SLC22A23: variants seen among roughly 807,000 people sequenced by gnomAD.
SLC22A23 encodes solute carrier family 22 member 23.
In SLC22A23, 26 loss-of-function variants were observed where a neutral mutation model predicts 61.0. The ratio of observed to expected loss-of-function variants is 0.43; its 90% confidence interval spans 0.31 to 0.59. SLC22A23 has a LOEUF of 0.59. Among genes scored for constraint, SLC22A23 ranks in the 20% least tolerant of loss-of-function variants. The pLI is 0.11. For missense variants in SLC22A23, 796 were observed against 934.7 expected (o/e 0.85, Z 1.94); for synonymous variants, 430 against 413.9 (o/e 1.04, Z -0.47).
At chr6:3,373,623 GAGA>G (rs767629410) in intron 3 of SLC22A23, among the ~76,000 whole-genome samples, 10 of 151,542 alleles carry the variant, frequency 6.6e-5, no homozygotes, top group Admixed American at 2.6e-4. Flanking sequence ...GGAAGAAAAA[GAGA>G]AGAAGAAGAA....
intron 3 of SLC22A23, among the ~76,000 whole-genome samples, chr6:3,383,533 T>C (rs1767088802): frequency 6.6e-6 from 1 of 152,232 alleles, no homozygotes; most frequent in Non-Finnish European, 1.5e-5. Context: ...ACGAGCGCTA[T>C]GATTCTGTGA....
At chr6:3,321,718 T>C (rs928977668) in intron 4 of SLC22A23, among the ~76,000 whole-genome samples, 4 of 152,136 alleles carry the variant, frequency 2.6e-5, no homozygotes, top group African/African-American at 9.7e-5. Context: ...GTGCAGAGCC[T>C]GGGGTGAGGG....
At chr6:3,397,441 T>C (rs1013176639) in intron 3 of SLC22A23, among the ~76,000 whole-genome samples, 9 of 152,194 alleles carry the variant, frequency 5.9e-5, no homozygotes, top group African/African-American at 2.2e-4. Flanking sequence ...GTAAGTGTTA[T>C]CTCTGGCTTA....
intron 3 of SLC22A23, among the ~76,000 whole-genome samples, chr6:3,348,669 A>G (rs904761540): frequency 2.6e-5 from 4 of 152,104 alleles, no homozygotes; most frequent in African/African-American, 9.7e-5. Flanking sequence ...GACCCACCCA[A>G]CACCTGAGGC....
intron 3 of SLC22A23, among the ~76,000 whole-genome samples, chr6:3,351,262 C>T (rs115963906): frequency 0.017 from 2,660 of 152,326 alleles, 25 homozygotes; most frequent in African/African-American, 0.038. Flanking sequence ...AAAAATCTCC[C>T]TATTAGCATT....
chr6:3,356,156 C>A (rs1210701007), intron 3 of SLC22A23, among the ~76,000 whole-genome samples: 6 of 90,524 alleles, frequency 6.6e-5, no homozygotes, highest in Non-Finnish European at 1.3e-4. Context: ...TTTCCGAGTC[C>A]GGGTAGCAGA....
chr6:3,321,659 T>G (rs1267077919), intron 4 of SLC22A23, among the ~76,000 whole-genome samples: 1 of 152,054 alleles, frequency 6.6e-6, no homozygotes, highest in Non-Finnish European at 1.5e-5. Flanking sequence ...GGAAAGACCT[T>G]CTCTGCCACT....
intron 1 of SLC22A23, among the ~76,000 whole-genome samples, chr6:3,422,465 T>G (rs987039640): frequency 6.6e-6 from 1 of 152,162 alleles, no homozygotes; most frequent in African/African-American, 2.4e-5. Context: ...CTAAATGTGT[T>G]TTTCAGTATT....
intron 1 of SLC22A23, among the ~76,000 whole-genome samples, chr6:3,444,210 G>A (rs946144909): frequency 4.6e-5 from 7 of 152,104 alleles, no homozygotes; most frequent in African/African-American, 1.7e-4. Flanking sequence ...AGACAAATAG[G>A]TCCCTGTCAA....
At position 3,314,851 on chromosome 6, in the gene SLC22A23, C is replaced by T. The variant is rs115788838; in HGVS notation, c.1082+8983G>A. On this transcript the variant is annotated intron_variant, in intron 4 of 9. Transcript: ENST00000406686. ...CGGCAGCACAATCTCACGTCCTCCGCGCTAGGGTTTACCTCCTCATGTGGG... is the reference window on the plus strand; with the variant it reads ...CGGCAGCACAATCTCACGTCCTCCGTGCTAGGGTTTACCTCCTCATGTGGG... Among the ~76,000 whole-genome samples the T allele has an allele frequency of 2.2e-3, 332 of 152,270 alleles. 2 individuals are homozygous for T. The highest frequency in any genetic ancestry group is 3.8e-3 in the Non-Finnish European group (260 of 68,018).
chr6:3,296,288 CT>C (rs1761085593), intron 5 of SLC22A23, among the ~76,000 whole-genome samples: 1 of 152,204 alleles, frequency 6.6e-6, no homozygotes, highest in East Asian at 1.9e-4. Context: ...ATCCAGAGCT[CT>C]CCCTCATGTT....
Position 3,280,460 on chromosome 6 carries a change from G to A in SLC22A23, c.1703+3392C>T, listed in dbSNP as rs560817381. Among the ~76,000 whole-genome samples, 33 of 42,264 alleles carry A rather than the reference G, an allele frequency of 7.8e-4. No individual in the cohort carries two copies. In the South Asian group the frequency reaches 0.018, roughly 23 times the overall value. The allele number at this position is 42,264 out of a possible 152,430, so 27.7% of individuals were successfully genotyped here. ...GCTTCCTGTCTGCTACTCAGTACTT[G>A]TTTTCAGATGTGACATTTTTAAGAC... On this transcript the variant is annotated intron_variant, in intron 9 of 9. Coordinates refer to ENST00000406686, the MANE Select transcript of SLC22A23 (RefSeq NM_015482.2).
rs1581681259 is a variant in SLC22A23 at position 3,317,518 on chromosome 6, A to G, written c.1082+6316T>C. On this transcript the variant is annotated intron_variant, in intron 4 of 9. Transcript: ENST00000406686. The surrounding 1 kb of genome is among the most constrained non-coding windows in gnomAD (Gnocchi z 4.4). ...TTTGGATCTTGCATCTTCCCCGCCA[A>G]CCCCTCGTTGTTGGCTGTGACCCTG... 6.6e-6 allele frequency among the ~76,000 whole-genome samples: 1 copy of G among 151,944 alleles called. No individual in the cohort carries two copies. The highest frequency in any genetic ancestry group is 2.4e-5 in the African/African-American group (1 of 41,332).
In SLC22A23 at chr6:3,454,843, G is replaced by A. The variant is rs1001270707; in HGVS notation, c.654+1063C>T. Among the ~76,000 whole-genome samples, 1 of 152,196 alleles carries A rather than the reference G, an allele frequency of 6.6e-6. No homozygotes were observed. The highest frequency in any genetic ancestry group is 1.5e-5 in the Non-Finnish European group (1 of 68,040). On this transcript the variant is annotated intron_variant, in intron 1 of 9. Transcript: ENST00000406686. The surrounding 1 kb of genome is among the most constrained non-coding windows in gnomAD (Gnocchi z 4.3). ...CAACTGTTAACCAATGCACACGGGG[G>A]GAGGAGGTTACATGCACATTGACTA...
Position 3,387,220 on chromosome 6 carries a change from G to A in SLC22A23, c.913+22968C>T, listed in dbSNP as rs1354443919. Among the ~76,000 whole-genome samples the A allele has an allele frequency of 6.6e-6, 1 of 152,232 alleles. No homozygotes were observed. Among genetic ancestry groups the A allele is most frequent in the African/African-American group, 2.4e-5 (1 of 41,466 alleles). Reference sequence around the variant, plus strand: ...GTAACTGCAGAGGAGAAGCCTGGCAGACCCCATCTCAACTGAGGAAGGTTA... The same window carrying A: ...GTAACTGCAGAGGAGAAGCCTGGCAAACCCCATCTCAACTGAGGAAGGTTA... On this transcript the variant is annotated intron_variant, in intron 3 of 9. Transcript: ENST00000406686. This position sits in a 1 kb window ranked among gnomAD's most constrained non-coding sequence, Gnocchi z 5.0.
chr6:3,373,024 G>A (rs1766325686), intron 3 of SLC22A23, among the ~76,000 whole-genome samples: 1 of 152,166 alleles, frequency 6.6e-6, no homozygotes, highest in Non-Finnish European at 1.5e-5. Flanking sequence ...TTCTTGGCTG[G>A]CATCTGGGAA....
chr6:3,451,881 C>T (rs1772170341), intron 1 of SLC22A23, among the ~76,000 whole-genome samples: 1 of 152,208 alleles, frequency 6.6e-6, no homozygotes, highest in African/African-American at 2.4e-5. Flanking sequence ...ACACGATACA[C>T]ATTCAGTAGA....
intron 1 of SLC22A23, among the ~76,000 whole-genome samples, chr6:3,425,433 C>T (rs890127770): frequency 2.6e-5 from 4 of 151,668 alleles, no homozygotes; most frequent in African/African-American, 7.3e-5. Context: ...TACAGGCGCC[C>T]GCCACCACGC....
In SLC22A23 at chr6:3,395,582, C is replaced by T. The variant is rs144726488; in HGVS notation, c.913+14606G>A. Among the ~76,000 whole-genome samples the T allele has an allele frequency of 6.2e-3, 945 of 152,320 alleles. 11 individuals carry two copies. Among genetic ancestry groups the T allele is most frequent in the African/African-American group, 0.021 (878 of 41,574 alleles). ...TCTTCAGGAGACAGATAGAGTAGCG[C>T]AGCCATCAGGCACCCCATTATAGCG... On this transcript the variant is annotated intron_variant, in intron 3 of 9. Transcript: ENST00000406686.
Sources: gnomAD v4.1 joint callset for allele counts (sites outside exome capture counted in the v4.1 genomes callset) on GRCh38, gnomAD v4.1.1 for gene constraint, Gnocchi (gnomAD v3.1) non-coding constraint, MANE v1.5 for transcripts, NCBI Gene and HGNC (gene_info 2026-07-23, HGNC 2026-07-21) for gene names.